NUBPL: variants seen among roughly 807,000 people sequenced by gnomAD.
NUBPL encodes the protein iron-sulfur cluster transfer protein NUBPL.
In NUBPL, 31 loss-of-function variants were observed where a neutral mutation model predicts 45.7. That is an observed-to-expected ratio of 0.68 (90% CI 0.51 to 0.92). The LOEUF is 0.92. Ranked by LOEUF, NUBPL falls within the 40% of genes least tolerant of loss-of-function variation. The pLI, the probability that NUBPL is intolerant of heterozygous loss-of-function variation, is 0.00. For synonymous variants in NUBPL, 144 were observed against 140.9 expected, an observed-to-expected ratio of 1.02 and a Z score of -0.15; for missense variants, 401 against 398.7, an observed-to-expected ratio of 1.01 and a Z score of -0.05.
intron 4 of NUBPL, among the ~76,000 whole-genome samples, chr14:31,636,056 T>A (rs1247063595): frequency 6.6e-6 from 1 of 151,372 alleles, no homozygotes; most frequent in Non-Finnish European, 1.5e-5. Flanking sequence ...TTTGACTTCC[T>A]CTTTTCCTAA....
intron 8 of NUBPL, among the ~76,000 whole-genome samples, chr14:31,832,191 A>G (rs77094500): frequency 1.9e-4 from 29 of 152,288 alleles, no homozygotes; most frequent in African/African-American, 6.0e-4. Flanking sequence ...TGTAGTCAAG[A>G]TGTGAAATAT....
intron 4 of NUBPL, among the ~76,000 whole-genome samples, chr14:31,603,299 G>GAAAAAAAAAAAAAAAAAA (rs529470069): frequency 1.8e-5 from 1 of 57,084 alleles, no homozygotes; most frequent in African/African-American, 6.2e-5. Context: ...GATCCTGTCT[G>GAAAAAAAAAAAAAAAAAA]AAAAAAAAAA....
At chr14:31,760,772 A>T (rs1407019133) in intron 6 of NUBPL, among the ~76,000 whole-genome samples, 1 of 64 alleles carries the variant, frequency 0.016, no homozygotes, top group Non-Finnish European at 0.05. Context: ...TGATTAAAAA[A>T]TTACAGTTTA....
At chr14:31,570,626 C>G (rs560836000) in intron 3 of NUBPL, among the ~76,000 whole-genome samples, 1 of 152,296 alleles carries the variant, frequency 6.6e-6, no homozygotes, top group Non-Finnish European at 1.5e-5. Flanking sequence ...CATCAGCAAG[C>G]AAATATCCCT....
chr14:31,833,458 T>G (rs2040225095), intron 8 of NUBPL, among the ~76,000 whole-genome samples: 1 of 152,224 alleles, frequency 6.6e-6, no homozygotes, highest in Non-Finnish European at 1.5e-5. Context: ...CCATCTATAT[T>G]ATCTTCATAT....
chr14:31,646,157 G>A (rs1325281214), intron 4 of NUBPL, among the ~76,000 whole-genome samples: 3 of 151,798 alleles, frequency 2.0e-5, no homozygotes, highest in African/African-American at 7.3e-5. Context: ...TACTATTCTT[G>A]GATGGCAAGT....
At chr14:31,802,579 C>T (rs2039613668) in intron 7 of NUBPL, among the ~76,000 whole-genome samples, 1 of 152,072 alleles carries the variant, frequency 6.6e-6, no homozygotes, top group South Asian at 2.1e-4. Flanking sequence ...CCTGGCCGCC[C>T]TTCTTTTCTA....
At chr14:31,811,819 T>C (rs956067310) in intron 7 of NUBPL, among the ~76,000 whole-genome samples, 5 of 152,158 alleles carry the variant, frequency 3.3e-5, no homozygotes, top group Non-Finnish European at 7.3e-5. Flanking sequence ...GATGTCCTTT[T>C]TGTTGATGCT....
intron 7 of NUBPL, among the ~76,000 whole-genome samples, chr14:31,818,665 C>G (rs1456945959): frequency 6.6e-6 from 1 of 152,208 alleles, no homozygotes; most frequent in Non-Finnish European, 1.5e-5. Context: ...TCTCCTGCCT[C>G]AGCCTCCCAT....
chr14:31,815,849 A>C (rs1350437426), intron 7 of NUBPL, among the ~76,000 whole-genome samples: 2 of 152,164 alleles, frequency 1.3e-5, no homozygotes, highest in East Asian at 1.9e-4. Flanking sequence ...ATTGATTTGC[A>C]TATATTTAAC....
At chr14:31,773,431 AG>A (rs2039044671) in intron 6 of NUBPL, among the ~76,000 whole-genome samples, 1 of 150,216 alleles carries the variant, frequency 6.7e-6, no homozygotes, top group Non-Finnish European at 1.5e-5. Flanking sequence ...CTGGAGGGAG[AG>A]TCCAGAGATG....
chr14:31,669,581 C>T (rs985419371), intron 4 of NUBPL, among the ~76,000 whole-genome samples: 1 of 151,798 alleles, frequency 6.6e-6, no homozygotes, highest in African/African-American at 2.4e-5. Flanking sequence ...AAACCTAGTA[C>T]TCAATAGTTA....
intron 6 of NUBPL, among the ~76,000 whole-genome samples, chr14:31,745,166 G>A (rs1392732857): frequency 6.6e-6 from 1 of 151,778 alleles, no homozygotes; most frequent in Non-Finnish European, 1.5e-5. Context: ...CTCGTCATTT[G>A]CATTAGGTAT....
chr14:31,762,201 T>A (rs944098578), intron 6 of NUBPL, among the ~76,000 whole-genome samples: 4 of 152,236 alleles, frequency 2.6e-5, no homozygotes, highest in Admixed American at 2.0e-4. Flanking sequence ...AACTTGAGTA[T>A]TGTGGATAGG....
At chr14:31,823,166 A>G (rs1024019665) in intron 7 of NUBPL, among the ~76,000 whole-genome samples, 4 of 152,114 alleles carry the variant, frequency 2.6e-5, no homozygotes, top group Admixed American at 2.0e-4. Context: ...TCCTAGTTCA[A>G]GGAGTTGCCA....
intron 7 of NUBPL, among the ~76,000 whole-genome samples, chr14:31,803,967 C>T (rs1227987577): frequency 6.6e-6 from 1 of 152,112 alleles, no homozygotes; most frequent in Non-Finnish European, 1.5e-5. Context: ...CTATATTGCA[C>T]AGGCTGGTCT....
At chr14:31,625,479 T>TTC (rs1234373524) in intron 4 of NUBPL, among the ~76,000 whole-genome samples, 1 of 146,014 alleles carries the variant, frequency 6.8e-6, no homozygotes, top group Non-Finnish European at 1.5e-5. Context: ...TTTTCTTTCT[T>TTC]TTTTTTTTTT....
chr14:31,745,298 G>A (rs987988777), intron 6 of NUBPL, among the ~76,000 whole-genome samples: 2 of 152,026 alleles, frequency 1.3e-5, no homozygotes, highest in Non-Finnish European at 2.9e-5. Context: ...GAGAACATGT[G>A]ATGTTTGGTT....
intron 7 of NUBPL, among the ~76,000 whole-genome samples, chr14:31,812,584 C>T (rs931815231): frequency 2.6e-5 from 4 of 152,320 alleles, no homozygotes; most frequent in Admixed American, 1.3e-4. Flanking sequence ...CGACCCCTTG[C>T]ACTTCCCTGG....
Sources: gnomAD v4.1 joint callset for allele counts (sites outside exome capture counted in the v4.1 genomes callset) on GRCh38, gnomAD v4.1.1 for gene constraint, MANE v1.5 for transcripts, NCBI Gene and HGNC (gene_info 2026-07-23, HGNC 2026-07-21) for gene names.